FRAS1: variants seen among roughly 807,000 people sequenced by gnomAD.
The protein encoded by FRAS1 is Fraser extracellular matrix complex subunit 1.
A neutral mutation model predicts 435.2 loss-of-function variants in FRAS1; 290 were observed. The observed-to-expected ratio is 0.67, with a 90% CI of 0.61 to 0.73. FRAS1 has a LOEUF of 0.73. Ranked by LOEUF, FRAS1 falls within the 30% of genes least tolerant of loss-of-function variation. FRAS1 has a pLI of 0.00. For synonymous variants in FRAS1, 1,800 were observed against 1,851.0 expected, an observed-to-expected ratio of 0.97 and a Z score of 0.71; for missense variants, 4,860 against 5,001.5, an observed-to-expected ratio of 0.97 and a Z score of 0.85.
rs562224966 is a variant in FRAS1 at position 78,267,336 on chromosome 4, C to T, written c.885C>T (p.Asp295=). ...ATGATGGAGTTGTGCGGTACCAGGA[C>T]GAAATGTGGAAGGGCTCGGCCTGTG... ...CSYDGVVRYQ[D]EMWKGSACEF... is the part of the protein sequence containing the mutation. Residue 295 remains aspartate, a synonymous_variant, in exon 9 of 74, where the codon GAC becomes GAT. Coordinates refer to ENST00000512123, the MANE Select transcript of FRAS1 (RefSeq NM_025074.7). 147 of 1,613,748 alleles carry T rather than the reference C, an allele frequency of 9.1e-5. No individual in the cohort carries two copies. Among genetic ancestry groups the T allele is most frequent in the Non-Finnish European group, 1.1e-4 (134 of 1,179,834 alleles).
At chr4:78,510,179 A>G (rs1720987947) in intron 63 of FRAS1, among the ~76,000 whole-genome samples, 2 of 152,236 alleles carry the variant, frequency 1.3e-5, no homozygotes, top group African/African-American at 4.8e-5. Flanking sequence ...TCTGTCTTCA[A>G]CAAAACTGTA....
At chr4:78,527,801 C>A (rs979786143) in intron 70 of FRAS1, among the ~76,000 whole-genome samples, 4 of 152,110 alleles carry the variant, frequency 2.6e-5, no homozygotes, top group Non-Finnish European at 5.9e-5. Flanking sequence ...GTCAAATAAA[C>A]AGCAGGTTTT....
chr4:78,365,877 A>G (rs764485580), intron 22 of FRAS1, among the ~76,000 whole-genome samples: 62 of 151,996 alleles, frequency 4.1e-4, no homozygotes, highest in Non-Finnish European at 4.9e-4. Context: ...AGGCAGGTGA[A>G]TCGCTTGAAC....
chr4:78,384,230 A>G lies in FRAS1; in HGVS notation c.3648+87A>G, dbSNP rs983664257. 6 of 958,606 alleles carry G rather than the reference A, an allele frequency of 6.3e-6. No homozygotes were observed. The Middle Eastern group carries it at 6.5e-4, about 104-fold the overall frequency. The allele number at this position is 958,606 out of a possible 1,614,324, so 59.4% of individuals were successfully genotyped here. On this transcript the variant is annotated intron_variant, in intron 28 of 73. Transcript: ENST00000512123. ...CTAGGTTTCCTGTGGATTTAATGAA[A>G]ATTATTGCATTAAATTAATCTAGTC...
intron 60 of FRAS1, 144 bp from the exon 61 acceptor site, chr4:78,499,573 TTGAG>T (rs1720614728): frequency 1.7e-6 from 1 of 603,574 alleles, no homozygotes; most frequent in African/African-American, 1.9e-5. Flanking sequence ...TAAATACTGA[TTGAG>T]TTTTATGACT....
intron 2 of FRAS1, among the ~76,000 whole-genome samples, chr4:78,119,894 G>A (rs996230657): frequency 2.0e-5 from 3 of 152,176 alleles, no homozygotes; most frequent in African/African-American, 7.2e-5. Flanking sequence ...GTGTAATTGG[G>A]TGGTTCAGAT....
chr4:78,325,686 A>T (rs144865730), intron 18 of FRAS1, among the ~76,000 whole-genome samples: 1 of 152,334 alleles, frequency 6.6e-6, no homozygotes, highest in East Asian at 1.9e-4. Flanking sequence ...GGAAAGCATC[A>T]TCAACTAGGA....
At chr4:78,435,772 C>T (rs1007885668) in intron 38 of FRAS1, among the ~76,000 whole-genome samples, 1 of 151,652 alleles carries the variant, frequency 6.6e-6, no homozygotes, top group East Asian at 1.9e-4. Context: ...CATAGCAAGC[C>T]GGAGCAGTGG....
chr4:78,326,758 A>C (rs2110249182), intron 18 of FRAS1, among the ~76,000 whole-genome samples: 1 of 152,300 alleles, frequency 6.6e-6, no homozygotes, highest in Non-Finnish European at 1.5e-5. Context: ...AACTGGGGGA[A>C]GCTTCAATAT....
intron 2 of FRAS1, among the ~76,000 whole-genome samples, chr4:78,101,933 G>C (rs1024442516): frequency 2.0e-5 from 3 of 152,102 alleles, no homozygotes; most frequent in African/African-American, 7.2e-5. Context: ...CATTTATTCA[G>C]CAAATAGTCT....
At chr4:78,264,028 ACTC>A (rs1317440879) in intron 6 of FRAS1, among the ~76,000 whole-genome samples, 2 of 152,142 alleles carry the variant, frequency 1.3e-5, no homozygotes, top group Non-Finnish European at 2.9e-5. Flanking sequence ...TGTGTTTTCT[ACTC>A]CTCATAAGAG....
At chr4:78,366,277 G>A (rs531414680) in intron 22 of FRAS1, among the ~76,000 whole-genome samples, 2 of 152,194 alleles carry the variant, frequency 1.3e-5, no homozygotes, top group Admixed American at 1.3e-4. Flanking sequence ...ATAGTGCTTT[G>A]GTATTGGAGG....
intron 3 of FRAS1, among the ~76,000 whole-genome samples, chr4:78,241,090 G>A (rs72657018): frequency 0.25 from 38,068 of 152,038 alleles, 5,464 homozygotes; most frequent in Non-Finnish European, 0.33. Flanking sequence ...GGAGTGAATG[G>A]AAAGTGGGGA....
chr4:78,397,395 G>A (rs560391425), intron 29 of FRAS1, among the ~76,000 whole-genome samples: 15 of 152,264 alleles, frequency 9.9e-5, no homozygotes, highest in South Asian at 2.1e-4. Flanking sequence ...TCAAGGTTGC[G>A]TGCCTTCTAC....
chr4:78,084,501 TA>T (rs1227223134), intron 2 of FRAS1, among the ~76,000 whole-genome samples: 1 of 152,068 alleles, frequency 6.6e-6, no homozygotes, highest in Non-Finnish European at 1.5e-5. Context: ...TAGTTTATTT[TA>T]GATTCATGGA....
Position 78,438,990 on chromosome 4 carries a change from A to G in FRAS1, c.5455A>G (p.Asn1819Asp), listed in dbSNP as rs753627771. Residue 1819 changes from asparagine (N) to aspartate (D), a missense_variant, in exon 40 of 74, where the codon AAT becomes GAT. Asn to Asp is a conservative substitution (Grantham distance 23, BLOSUM62 1). Transcript: ENST00000512123. Reference protein sequence around the residue: ...VSDMDHNHLDNQIFTIMITPA... With the variant: ...VSDMDHNHLDDQIFTIMITPA... ...TGACATGGACCACAACCATCTGGAT[A>G]ATCAGATATTTACCATCATGATCAC... is the stretch of plus-strand genomic sequence containing the variant. 1.9e-6 allele frequency: 3 copies of G among 1,613,244 alleles called. No individual in the cohort carries two copies. Among genetic ancestry groups the G allele is most frequent in the African/African-American group, 2.7e-5 (2 of 74,908 alleles).
chr4:78,481,950 G>A lies in FRAS1; in HGVS notation c.8590G>A (p.Gly2864Ser), dbSNP rs762319666. 9.3e-6 allele frequency: 15 copies of A among 1,613,768 alleles called. No homozygotes were observed. Among genetic ancestry groups the A allele is most frequent in the Non-Finnish European group, 1.2e-5 (14 of 1,179,794 alleles). The change falls in exon 57 of 74, where the codon GGT (glycine) becomes AGT (serine). Residue 2864 changes from glycine to serine, a missense_variant. Gly to Ser is a moderately conservative substitution (Grantham distance 56). Coordinates refer to ENST00000512123, the MANE Select transcript of FRAS1 (RefSeq NM_025074.7). Reference sequence around the variant, plus strand: ...CTCTCGGAAGGTGGAATTTGGGCCTGGTGTCATTGAACAGGTGCGTTTACA... The same window carrying A: ...CTCTCGGAAGGTGGAATTTGGGCCTAGTGTCATTGAACAGGTGCGTTTACA... ...PSSRKVEFGPGVIEQYCTLTI... is the reference protein window; with the variant it reads ...PSSRKVEFGPSVIEQYCTLTI...
intron 2 of FRAS1, among the ~76,000 whole-genome samples, chr4:78,175,129 C>T (rs1721709660): frequency 6.6e-6 from 1 of 152,222 alleles, no homozygotes; most frequent in African/African-American, 2.4e-5. Context: ...GGACACTGCC[C>T]ATCAGGCTCC....
At chr4:78,237,650 G>A in intron 3 of FRAS1, 33 bp downstream of exon 3, 1 of 1,272,658 alleles carries the variant, frequency 7.9e-7, no homozygotes, top group Non-Finnish European at 1.1e-6. Context: ...TAAATGTATT[G>A]GTAAAGTCAG....
Sources: gnomAD v4.1 joint callset for allele counts (sites outside exome capture counted in the v4.1 genomes callset) on GRCh38, gnomAD v4.1.1 for gene constraint, MANE v1.5 for transcripts, NCBI Gene and HGNC (gene_info 2026-07-23, HGNC 2026-07-21) for gene names.